FMN2: variants seen among roughly 807,000 people sequenced by gnomAD.
FMN2 encodes formin-2.
Under a neutral mutation model 142.3 loss-of-function variants are expected in FMN2, and 51 were observed. The observed-to-expected ratio is 0.36, with a 90% CI of 0.29 to 0.45. The LOEUF is 0.45. Ranked by LOEUF, FMN2 falls within the 20% of genes least tolerant of loss-of-function variation. The pLI is 1.00. For synonymous variants in FMN2, 882 were observed against 869.8 expected (o/e 1.01, Z -0.25); for missense variants, 1,936 against 2,122.8 (o/e 0.91, Z 1.73).
At chr1:240,425,334 C>T (rs1674902643) in intron 15 of FMN2, among the ~76,000 whole-genome samples, 2 of 151,956 alleles carry the variant, frequency 1.3e-5, no homozygotes, top group Admixed American at 1.3e-4. Flanking sequence ...GAAGCGAAAA[C>T]TCGGTAGGTA....
intron 4 of FMN2, among the ~76,000 whole-genome samples, chr1:240,205,758 G>A (rs1239346533): frequency 6.6e-6 from 1 of 151,836 alleles, no homozygotes; most frequent in Non-Finnish European, 1.5e-5. Flanking sequence ...ACCACGCCCG[G>A]CCAATGCCCT....
At chr1:240,178,112 A>G (rs777199867) in intron 3 of FMN2, 44 bp downstream of exon 3, 1 of 1,464,082 alleles carries the variant, frequency 6.8e-7, no homozygotes, top group Non-Finnish European at 9.0e-7. Context: ...AAGAGGCAAG[A>G]TAGAGAGAGA....
chr1:240,213,746 G>A (rs1454478023), intron 6 of FMN2, among the ~76,000 whole-genome samples: 1 of 152,142 alleles, frequency 6.6e-6, no homozygotes, highest in African/African-American at 2.4e-5. Context: ...TTCTGTTTTT[G>A]TTTAAATATT....
intron 15 of FMN2, among the ~76,000 whole-genome samples, chr1:240,424,710 A>G (rs778080514): frequency 1.3e-5 from 2 of 152,190 alleles, no homozygotes; most frequent in Admixed American, 6.5e-5. Context: ...AAGTACTGTC[A>G]TTCTTTTATA....
In FMN2 at chr1:240,253,576, C is replaced by G. The variant is rs369142961; in HGVS notation, c.4066-4369C>G. On this transcript the variant is annotated intron_variant, in intron 6 of 17. Transcript: ENST00000319653. The stretch of plus-strand genomic sequence containing the variant: ...TTCTTTAATATCATTATCTTGAATT[C>G]TTTTTCTGGAACTTCATGAATGTCT... Among the ~76,000 whole-genome samples, 3 of 152,048 alleles carry G rather than the reference C, an allele frequency of 2.0e-5. No individual in the cohort carries two copies. The East Asian group carries it at 5.8e-4, about 29-fold the overall frequency.
At chr1:240,191,008 G>A (rs1159217992) in intron 4 of FMN2, among the ~76,000 whole-genome samples, 1 of 152,112 alleles carries the variant, frequency 6.6e-6, no homozygotes, top group Non-Finnish European at 1.5e-5. Flanking sequence ...CTGGAAATGA[G>A]AGGTTTGAAG....
chr1:240,276,132 T>C (rs994839089), intron 7 of FMN2, among the ~76,000 whole-genome samples: 1 of 152,196 alleles, frequency 6.6e-6, no homozygotes, highest in African/African-American at 2.4e-5. Context: ...CTATCATTTC[T>C]GCAAGGGAAG....
chr1:240,414,018 AACAT>A (rs1356764365), intron 15 of FMN2, among the ~76,000 whole-genome samples: 3 of 152,258 alleles, frequency 2.0e-5, no homozygotes, highest in African/African-American at 4.8e-5. Flanking sequence ...GCACTGAAGG[AACAT>A]TTTTAAAATG....
At chr1:240,271,860 AT>A (rs1421314043) in intron 7 of FMN2, among the ~76,000 whole-genome samples, 1 of 152,192 alleles carries the variant, frequency 6.6e-6, no homozygotes. Flanking sequence ...CACATAAATT[AT>A]TAGATCAAGG....
At chr1:240,176,814 G>A (rs1028097631) in intron 2 of FMN2, among the ~76,000 whole-genome samples, 2 of 152,168 alleles carry the variant, frequency 1.3e-5, no homozygotes, top group Admixed American at 6.5e-5. Context: ...CTGATCCAAC[G>A]CTGAGGCTAA....
intron 1 of FMN2, among the ~76,000 whole-genome samples, chr1:240,119,009 C>G (rs1446193856): frequency 6.6e-6 from 1 of 152,022 alleles, no homozygotes; most frequent in South Asian, 2.1e-4. Context: ...ACGTTTTTTG[C>G]CTCAGATGTG....
intron 6 of FMN2, among the ~76,000 whole-genome samples, chr1:240,219,680 G>A (rs368698552): frequency 3.0e-4 from 45 of 151,328 alleles, no homozygotes; most frequent in African/African-American, 1.1e-3. Flanking sequence ...TTTGAGACGG[G>A]GTCTCACTCT....
At chr1:240,160,718 T>C (rs1664240631) in intron 2 of FMN2, among the ~76,000 whole-genome samples, 2 of 151,986 alleles carry the variant, frequency 1.3e-5, no homozygotes, top group South Asian at 2.1e-4. Context: ...ACAATGCCAC[T>C]ATTACCACTC....
At chr1:240,300,795 T>A in intron 8 of FMN2, among the ~76,000 whole-genome samples, 1 of 152,144 alleles carries the variant, frequency 6.6e-6, no homozygotes, top group East Asian at 1.9e-4. Flanking sequence ...TTTTTATCAG[T>A]ATGAAATATT....
intron 6 of FMN2, among the ~76,000 whole-genome samples, chr1:240,225,751 A>G (rs1667275444): frequency 6.6e-6 from 1 of 152,188 alleles, no homozygotes; most frequent in Admixed American, 6.5e-5. Context: ...CTTAACAAAG[A>G]ACTCAACGCA....
chr1:240,346,141 T>C lies in FMN2; in HGVS notation c.4766-9675T>C, dbSNP rs1017143481. Among the ~76,000 whole-genome samples, 3 of 152,112 alleles carry C rather than the reference T, an allele frequency of 2.0e-5. No homozygotes were observed. The South Asian group carries it at 6.2e-4, about 32-fold the overall frequency. On this transcript the variant is annotated intron_variant, in intron 13 of 17. Coordinates refer to ENST00000319653, the MANE Select transcript of FMN2 (RefSeq NM_020066.5). ...AGACAAGTACAGTAGTCTCCCCTTA[T>C]CTGTGGGGAGTAAGACCCCCAATGA...
At chr1:240,136,528 A>G (rs1488083803) in intron 2 of FMN2, among the ~76,000 whole-genome samples, 1 of 152,104 alleles carries the variant, frequency 6.6e-6, no homozygotes, top group East Asian at 1.9e-4. Flanking sequence ...TTAGATATCC[A>G]TTTTGACTTT....
At chr1:240,205,891 CTT>C (rs57803350) in intron 4 of FMN2, among the ~76,000 whole-genome samples, 2 of 120,572 alleles carry the variant, frequency 1.7e-5, no homozygotes. Context: ...TATCAGCCAT[CTT>C]TTTTTTTTTT....
intron 16 of FMN2, among the ~76,000 whole-genome samples, chr1:240,454,634 A>G (rs532656633): frequency 6.6e-6 from 1 of 152,234 alleles, no homozygotes; most frequent in Non-Finnish European, 1.5e-5. Flanking sequence ...TTAAAGGACA[A>G]GGATTGTGCC....
Sources: gnomAD v4.1 joint callset for allele counts (sites outside exome capture counted in the v4.1 genomes callset) on GRCh38, gnomAD v4.1.1 for gene constraint, MANE v1.5 for transcripts, NCBI Gene and HGNC (gene_info 2026-07-23, HGNC 2026-07-21) for gene names.